Variants in NRXN1 observed in about 807,000 individuals in gnomAD.
NRXN1 encodes neurexin-1.
NRXN1 carries 39 observed loss-of-function variants against 150.9 expected under a neutral mutation model. That is an observed-to-expected ratio of 0.26 (90% CI 0.20 to 0.34). The LOEUF (loss-of-function observed/expected upper bound fraction) is 0.34, where lower values mean the gene tolerates loss of function less well. Among genes scored for constraint, NRXN1 ranks in the 10% least tolerant of loss-of-function variants. NRXN1 has a pLI of 1.00. For missense variants in NRXN1, 1,815 were observed against 1,949.9 expected (o/e 0.93, Z 1.30); for synonymous variants, 924 against 757.0 (o/e 1.22, Z -3.62).
intron 17 of NRXN1, among the ~76,000 whole-genome samples, chr2:50,242,719 A>G (rs1364671561): frequency 2.0e-5 from 3 of 151,746 alleles, no homozygotes; most frequent in Non-Finnish European, 4.4e-5. Context: ...AGATGCCAGG[A>G]AAAGAAAAAG....
chr2:50,372,326 G>A (rs971023686), intron 17 of NRXN1, among the ~76,000 whole-genome samples: 6 of 151,908 alleles, frequency 3.9e-5, no homozygotes, highest in African/African-American at 9.7e-5. Context: ...GGTATTTTAC[G>A]GTCTAACTGG....
chr2:50,389,199 A>G (rs900263366), intron 17 of NRXN1, among the ~76,000 whole-genome samples: 1 of 151,234 alleles, frequency 6.6e-6, no homozygotes, highest in Non-Finnish European at 1.5e-5. Context: ...AATAAAAAGT[A>G]AATATGTGTG....
At chr2:50,066,975 A>C (rs1253158963) in intron 19 of NRXN1, among the ~76,000 whole-genome samples, 1 of 152,180 alleles carries the variant, frequency 6.6e-6, no homozygotes, top group African/African-American at 2.4e-5. Flanking sequence ...GGGTGGTGCA[A>C]CTCAAGAGTT....
chr2:50,119,828 A>T (rs1317749677), intron 18 of NRXN1, among the ~76,000 whole-genome samples: 1 of 152,148 alleles, frequency 6.6e-6, no homozygotes, highest in Non-Finnish European at 1.5e-5. Flanking sequence ...TTTATATTTC[A>T]GTTTTGCTCT....
intron 5 of NRXN1, among the ~76,000 whole-genome samples, chr2:50,734,555 A>C (rs1259995209): frequency 6.6e-6 from 1 of 152,168 alleles, no homozygotes; most frequent in African/African-American, 2.4e-5. Flanking sequence ...ATCAAATATC[A>C]TAAAAAGGCA....
intron 5 of NRXN1, among the ~76,000 whole-genome samples, chr2:50,738,238 G>A (rs952007121): frequency 1.3e-5 from 2 of 152,094 alleles, no homozygotes; most frequent in African/African-American, 4.8e-5. Flanking sequence ...TGATACACTG[G>A]GCAAATTTTC....
intron 16 of NRXN1, among the ~76,000 whole-genome samples, chr2:50,471,681 G>A (rs1007453505): frequency 3.3e-5 from 5 of 151,764 alleles, no homozygotes; most frequent in Non-Finnish European, 7.4e-5. Context: ...GCTAAATGAA[G>A]AGAACACATG....
At chr2:50,199,581 TTAA>T (rs2062018072) in intron 18 of NRXN1, among the ~76,000 whole-genome samples, 1 of 149,474 alleles carries the variant, frequency 6.7e-6, no homozygotes, top group Non-Finnish European at 1.5e-5. Flanking sequence ...CACACTGACA[TTAA>T]TAAGTCAGTA....
rs962806622 is a variant in NRXN1, at chr2:50,474,747, T to C, written c.3071-2276A>G. Among the ~76,000 whole-genome samples, 10 of 141,634 alleles carry C rather than the reference T, an allele frequency of 7.1e-5. No homozygotes were observed. In the South Asian group the frequency reaches 1.8e-3, roughly 25 times the overall value. 92.9% of individuals were successfully genotyped at this position (141,634 alleles called of 152,430 possible). A position where few individuals can be genotyped will look rare whatever the true frequency, so the allele number is the denominator to read the frequency against. On this transcript the variant is annotated intron_variant, in intron 15 of 22. Transcript: ENST00000401669. ...GTCATGCACACAAGAATGAAGATGCTGGGTAGCACCTCAGTGAGCACCTGA... is the reference window on the plus strand; with the variant it reads ...GTCATGCACACAAGAATGAAGATGCCGGGTAGCACCTCAGTGAGCACCTGA...
At chr2:50,460,965 T>C (rs1210731656) in intron 17 of NRXN1, among the ~76,000 whole-genome samples, 1 of 152,048 alleles carries the variant, frequency 6.6e-6, no homozygotes, top group Non-Finnish European at 1.5e-5. Context: ...CACAGCTTAA[T>C]ACTACTGGCA....
intron 17 of NRXN1, among the ~76,000 whole-genome samples, chr2:50,263,247 AAC>A (rs962230850): frequency 1.3e-5 from 2 of 151,726 alleles, no homozygotes; most frequent in African/African-American, 4.8e-5. Flanking sequence ...GAGCAGGAGG[AAC>A]ACATAGGTGT....
intron 17 of NRXN1, among the ~76,000 whole-genome samples, chr2:50,285,977 G>A (rs1398907134): frequency 6.6e-6 from 1 of 151,844 alleles, no homozygotes; most frequent in African/African-American, 2.4e-5. Flanking sequence ...CCTAAGAAAA[G>A]ATATATCTCT....
At chr2:50,608,282 C>T (rs376941846) in intron 8 of NRXN1, among the ~76,000 whole-genome samples, 1 of 152,128 alleles carries the variant, frequency 6.6e-6, no homozygotes, top group African/African-American at 2.4e-5. Context: ...TGGTGGTTGA[C>T]GTACTCTAGC....
intron 5 of NRXN1, among the ~76,000 whole-genome samples, chr2:50,886,529 A>T (rs779652475): frequency 4.6e-5 from 7 of 151,490 alleles, no homozygotes; most frequent in Non-Finnish European, 8.9e-5. Flanking sequence ...ATAAGATTTG[A>T]GATGTAGAAG....
chr2:50,992,405 T>C (rs1156384989), intron 2 of NRXN1, among the ~76,000 whole-genome samples: 3 of 151,932 alleles, frequency 2.0e-5, no homozygotes, highest in Admixed American at 6.6e-5. Context: ...TTATGCAAGA[T>C]AGAACTTTGA....
chr2:50,461,526 T>C (rs1034662303), intron 17 of NRXN1, among the ~76,000 whole-genome samples: 4 of 151,922 alleles, frequency 2.6e-5, no homozygotes, highest in African/African-American at 9.7e-5. Context: ...GACCACTGGG[T>C]AAAAGGAGAA....
chr2:51,030,075 A>T (rs1327976729), intron 1 of NRXN1, among the ~76,000 whole-genome samples: 2 of 151,882 alleles, frequency 1.3e-5, no homozygotes, highest in African/African-American at 4.8e-5. Flanking sequence ...CTAATCTGAC[A>T]GGTTCTTGAA....
At chr2:49,981,886 G>A (rs1336723173) in intron 21 of NRXN1, among the ~76,000 whole-genome samples, 1 of 152,094 alleles carries the variant, frequency 6.6e-6, no homozygotes, top group African/African-American at 2.4e-5. Context: ...CCAAAGTTAA[G>A]TTGCTTAAGA....
chr2:50,763,590 G>A (rs1337515956), intron 5 of NRXN1, among the ~76,000 whole-genome samples: 2 of 151,734 alleles, frequency 1.3e-5, no homozygotes, highest in South Asian at 4.2e-4. Flanking sequence ...TTTATATCTA[G>A]GAACCAAATT....
Sources: gnomAD v4.1 joint callset for allele counts (sites outside exome capture counted in the v4.1 genomes callset) on GRCh38, gnomAD v4.1.1 for gene constraint, MANE v1.5 for transcripts, NCBI Gene and HGNC (gene_info 2026-07-23, HGNC 2026-07-21) for gene names.